Variants in FHIT observed in about 807,000 individuals in gnomAD.
FHIT encodes the protein bis(5'-adenosyl)-triphosphatase.
In FHIT, 19 loss-of-function variants were observed where a neutral mutation model predicts 17.9. That is an observed-to-expected ratio of 1.06 (90% CI 0.74 to 1.56). FHIT has a LOEUF of 1.56. Among genes scored for constraint, FHIT ranks in the 40% most tolerant of loss-of-function variants. The pLI is 0.00. For missense variants in FHIT, 248 were observed against 189.2 expected (o/e 1.31, Z -1.82); for synonymous variants, 81 against 69.7 (o/e 1.16, Z -0.81).
At chr3:59,770,368 G>T (rs1208003920) in intron 8 of FHIT, among the ~76,000 whole-genome samples, 1 of 152,166 alleles carries the variant, frequency 6.6e-6, no homozygotes, top group Admixed American at 6.5e-5. Context: ...GTTAAAAGAA[G>T]GGCATTAGGG....
chr3:60,312,426 A>T (rs970512707), intron 5 of FHIT, among the ~76,000 whole-genome samples: 35 of 152,150 alleles, frequency 2.3e-4, no homozygotes, highest in Non-Finnish European at 4.4e-5. Context: ...CTTAGCCATG[A>T]GCCACCTCAC....
chr3:60,316,441 C>G (rs1322379390), intron 5 of FHIT, among the ~76,000 whole-genome samples: 2 of 152,108 alleles, frequency 1.3e-5, no homozygotes, highest in African/African-American at 4.8e-5. Flanking sequence ...GCCTTAGAGC[C>G]TATTCATTAA....
chr3:60,652,472 G>A (rs1488129427), intron 4 of FHIT, among the ~76,000 whole-genome samples: 2 of 152,064 alleles, frequency 1.3e-5, no homozygotes, highest in Non-Finnish European at 2.9e-5. Flanking sequence ...GCGCGGTCAC[G>A]CCTGTAATCC....
chr3:61,209,795 G>A (rs2039394790), intron 1 of FHIT, among the ~76,000 whole-genome samples: 1 of 152,138 alleles, frequency 6.6e-6, no homozygotes, highest in Non-Finnish European at 1.5e-5. Context: ...ATCATCTGAA[G>A]CCTTCTACTC....
At chr3:60,119,369 A>G (rs552890053) in intron 5 of FHIT, among the ~76,000 whole-genome samples, 45 of 144,092 alleles carry the variant, frequency 3.1e-4, no homozygotes, top group Non-Finnish European at 6.0e-4. Context: ...CATCATGCCC[A>G]GCCTATATTT....
intron 5 of FHIT, among the ~76,000 whole-genome samples, chr3:60,230,080 G>A (rs1704418287): frequency 6.6e-6 from 1 of 151,964 alleles, no homozygotes; most frequent in Admixed American, 6.6e-5. Context: ...CAATACCGTG[G>A]CCACTAGCCA....
intron 8 of FHIT, among the ~76,000 whole-genome samples, chr3:59,873,304 G>A (rs1703004676): frequency 6.6e-6 from 1 of 152,182 alleles, no homozygotes; most frequent in African/African-American, 2.4e-5. Flanking sequence ...CTGGATGGAT[G>A]GATGGGTAGA....
At chr3:61,103,268 G>A (rs2035888274) in intron 2 of FHIT, among the ~76,000 whole-genome samples, 1 of 152,070 alleles carries the variant, frequency 6.6e-6, no homozygotes, top group Non-Finnish European at 1.5e-5. Context: ...TGTTCTCATT[G>A]GTTTCAAAGA....
chr3:59,777,886 C>T (rs1392529329), intron 8 of FHIT, among the ~76,000 whole-genome samples: 3 of 152,160 alleles, frequency 2.0e-5, no homozygotes, highest in African/African-American at 4.8e-5. Flanking sequence ...AAACTCTCTA[C>T]CCCAGGTTTC....
chr3:60,530,772 G>C (rs563542958), intron 5 of FHIT, among the ~76,000 whole-genome samples: 1 of 152,314 alleles, frequency 6.6e-6, no homozygotes, highest in Admixed American at 6.5e-5. Flanking sequence ...GAGTTGGCAG[G>C]ATTCTCTGTG....
intron 1 of FHIT, among the ~76,000 whole-genome samples, chr3:61,222,547 A>T (rs2039867975): frequency 6.6e-6 from 1 of 152,182 alleles, no homozygotes; most frequent in African/African-American, 2.4e-5. Context: ...AGTGATATTC[A>T]GCCACCAGCT....
At chr3:59,906,173 C>G (rs1327203556) in intron 8 of FHIT, among the ~76,000 whole-genome samples, 3 of 152,170 alleles carry the variant, frequency 2.0e-5, no homozygotes, top group Non-Finnish European at 4.4e-5. Context: ...GTACAATGCT[C>G]TTGAATACAG....
chr3:61,092,050 T>C (rs1271295909), intron 2 of FHIT, among the ~76,000 whole-genome samples: 5 of 150,772 alleles, frequency 3.3e-5, no homozygotes, highest in Non-Finnish European at 7.4e-5. Flanking sequence ...AACAACCATT[T>C]TCCATCCTTG....
At chr3:60,496,056 T>C (rs2034288523) in intron 5 of FHIT, among the ~76,000 whole-genome samples, 1 of 152,012 alleles carries the variant, frequency 6.6e-6, no homozygotes, top group Non-Finnish European at 1.5e-5. Flanking sequence ...TAGAAAAATA[T>C]GAAAGTACTG....
intron 4 of FHIT, among the ~76,000 whole-genome samples, chr3:60,789,714 C>T (rs544355873): frequency 9.5e-4 from 144 of 152,050 alleles, no homozygotes; most frequent in African/African-American, 3.4e-3. Flanking sequence ...CTTAGTAAAG[C>T]TTTTAATTAG....
intron 5 of FHIT, among the ~76,000 whole-genome samples, chr3:60,420,027 G>A (rs1313657059): frequency 2.6e-5 from 4 of 152,014 alleles, no homozygotes; most frequent in African/African-American, 9.7e-5. Flanking sequence ...ATAACTAAAG[G>A]TTCTGGGTCA....
intron 5 of FHIT, among the ~76,000 whole-genome samples, chr3:60,201,152 A>G (rs1055807328): frequency 6.6e-6 from 1 of 152,094 alleles, no homozygotes; most frequent in African/African-American, 2.4e-5. Flanking sequence ...TGTTTGGTTT[A>G]GCCATTTAAC....
intron 4 of FHIT, among the ~76,000 whole-genome samples, chr3:60,783,178 G>A (rs566272566): frequency 1.5e-4 from 22 of 151,560 alleles, no homozygotes; most frequent in South Asian, 4.2e-4. Context: ...AAACAGTTTC[G>A]CCATGTTGCC....
chr3:60,057,013 T>G (rs1702109649), intron 5 of FHIT, among the ~76,000 whole-genome samples: 1 of 152,000 alleles, frequency 6.6e-6, no homozygotes, highest in Non-Finnish European at 1.5e-5. Flanking sequence ...TTGGGATGCT[T>G]TTTTCTGCCT....
Sources: allele counts gnomAD v4.1 joint callset (sites outside exome capture counted in the v4.1 genomes callset), GRCh38; gene constraint gnomAD v4.1.1; transcripts MANE v1.5; gene names NCBI Gene and HGNC (gene_info 2026-07-23, HGNC 2026-07-21).